The following LINGO2 variants were observed in gnomAD, a reference collection of about 807,000 sequenced individuals.
The protein encoded by LINGO2 is leucine-rich repeat and immunoglobulin-like domain-containing nogo receptor-interacting protein 2.
LINGO2 carries 14 observed loss-of-function variants against 30.6 expected under a neutral mutation model. The observed-to-expected ratio is 0.46, with a 90% CI of 0.30 to 0.72. The LOEUF is 0.72. Among genes scored for constraint, LINGO2 ranks in the 30% least tolerant of loss-of-function variants. The probability of loss-of-function intolerance (pLI) is 0.07; values close to 1 mark genes in which losing one functional copy is unlikely to be tolerated. For missense variants in LINGO2, 729 were observed against 751.7 expected (o/e 0.97, Z 0.35); for synonymous variants, 317 against 288.5 (o/e 1.10, Z -1.00).
At chr9:28,177,781 A>G (rs1365409288) in intron 4 of LINGO2, among the ~76,000 whole-genome samples, 1 of 152,190 alleles carries the variant, frequency 6.6e-6, no homozygotes, top group African/African-American at 2.4e-5. Context: ...CAAAAATTCC[A>G]TGAAATAAAT....
chr9:28,649,942 T>G (rs1166307237), intron 1 of LINGO2, among the ~76,000 whole-genome samples: 1 of 151,566 alleles, frequency 6.6e-6, no homozygotes, highest in East Asian at 1.9e-4. Context: ...GTTTGGTCAG[T>G]ATGAAAAACT....
intron 1 of LINGO2, among the ~76,000 whole-genome samples, chr9:28,635,027 G>A (rs1307132690): frequency 6.6e-6 from 1 of 152,110 alleles, no homozygotes; most frequent in Non-Finnish European, 1.5e-5. Context: ...ACACCCAGAA[G>A]GAAGAGCATG....
At chr9:28,270,226 C>G (rs980115634) in intron 4 of LINGO2, among the ~76,000 whole-genome samples, 2 of 151,984 alleles carry the variant, frequency 1.3e-5, no homozygotes, top group East Asian at 1.9e-4. Flanking sequence ...ACCAAAGAGC[C>G]CTTTCCCCTT....
intron 3 of LINGO2, among the ~76,000 whole-genome samples, chr9:28,324,483 A>G (rs1298160764): frequency 6.6e-6 from 1 of 152,202 alleles, no homozygotes; most frequent in Non-Finnish European, 1.5e-5. Context: ...AAGTTGGCAC[A>G]ATGTACAGGT....
intron 2 of LINGO2, among the ~76,000 whole-genome samples, chr9:28,444,277 G>A (rs1356801899): frequency 6.6e-6 from 1 of 152,174 alleles, no homozygotes; most frequent in Non-Finnish European, 1.5e-5. Context: ...GTGAAGAGTG[G>A]TGACCCTTCT....
In LINGO2 at chr9:28,240,195, C is replaced by A. The variant is rs1372131863; in HGVS notation, c.-87+55013G>T. 7.9e-5 allele frequency among the ~76,000 whole-genome samples: 12 copies of A among 152,108 alleles called. No homozygotes were observed. The East Asian group carries it at 1.9e-3, about 25-fold the overall frequency. On this transcript the variant is annotated intron_variant, in intron 4 of 5. Transcript: ENST00000379992. ...GAAGAATTAATATTGTTAAAATATC[C>A]ATACTACACAAAGCAATCTATAGAT...
intron 1 of LINGO2, among the ~76,000 whole-genome samples, chr9:28,518,049 A>C (rs958241078): frequency 2.0e-5 from 3 of 152,160 alleles, no homozygotes; most frequent in Non-Finnish European, 4.4e-5. Context: ...AGTCACTGGC[A>C]TAACAGATAG....
At chr9:28,263,934 C>T (rs976992559) in intron 4 of LINGO2, among the ~76,000 whole-genome samples, 52 of 151,972 alleles carry the variant, frequency 3.4e-4, no homozygotes, top group Admixed American at 9.8e-4. Context: ...ATGTCTCCTA[C>T]GGTAATGAAT....
intron 4 of LINGO2, among the ~76,000 whole-genome samples, chr9:28,221,419 T>G (rs1412116104): frequency 6.6e-6 from 1 of 151,922 alleles, no homozygotes; most frequent in African/African-American, 2.4e-5. Context: ...TACACATGTA[T>G]GTATACTTCA....
chr9:28,803,859 T>G, the LINGO2 span, among the ~76,000 whole-genome samples: 4 of 152,230 alleles, frequency 2.6e-5, no homozygotes, highest in Admixed American at 2.6e-4. Flanking sequence ...GTAACTGTCA[T>G]GATGCTACCT....
intron 5 of LINGO2, among the ~76,000 whole-genome samples, chr9:27,979,395 A>G (rs1820750762): frequency 6.6e-6 from 1 of 151,934 alleles, no homozygotes; most frequent in African/African-American, 2.4e-5. Context: ...TAGGGTTGGT[A>G]TACTCCTGGG....
chr9:28,935,152 G>C, the LINGO2 span, among the ~76,000 whole-genome samples: 1 of 152,008 alleles, frequency 6.6e-6, no homozygotes, highest in East Asian at 1.9e-4. Flanking sequence ...ATTCCTGGGA[G>C]ACATTTTCTG....
chr9:28,606,474 G>T (rs1286756220), intron 1 of LINGO2, among the ~76,000 whole-genome samples: 1 of 151,890 alleles, frequency 6.6e-6, no homozygotes, highest in Non-Finnish European at 1.5e-5. Context: ...CTATTCCTGT[G>T]ACCTATCAAT....
intron 1 of LINGO2, among the ~76,000 whole-genome samples, chr9:28,567,707 T>C (rs1405779414): frequency 1.3e-5 from 2 of 152,128 alleles, no homozygotes; most frequent in East Asian, 3.9e-4. Context: ...TATGTTCCTA[T>C]TTGGGTGACG....
At chr9:28,693,401 C>T in the LINGO2 span, among the ~76,000 whole-genome samples, 1 of 152,262 alleles carries the variant, frequency 6.6e-6, no homozygotes, top group African/African-American at 2.4e-5. Context: ...GCACTGCTCT[C>T]ATCCATCATA....
chr9:29,097,131 T>C, the LINGO2 span, among the ~76,000 whole-genome samples: 2 of 138,688 alleles, frequency 1.4e-5, 1 homozygote, highest in Non-Finnish European at 3.1e-5. Flanking sequence ...AAGAATAAAA[T>C]CTGTTCTTGC....
At chr9:27,965,113 C>A (rs1820034247) in intron 5 of LINGO2, among the ~76,000 whole-genome samples, 1 of 152,158 alleles carries the variant, frequency 6.6e-6, no homozygotes, top group African/African-American at 2.4e-5. Flanking sequence ...TAACTACAGG[C>A]AAAGACTATT....
intron 4 of LINGO2, among the ~76,000 whole-genome samples, chr9:28,072,664 T>C (rs1825513937): frequency 6.6e-6 from 1 of 152,186 alleles, no homozygotes; most frequent in Non-Finnish European, 1.5e-5. Context: ...GATTTTTTTA[T>C]TGTTATTCTT....
the LINGO2 span, among the ~76,000 whole-genome samples, chr9:28,809,765 G>A: frequency 0.19 from 21,652 of 114,514 alleles, 1,834 homozygotes; most frequent in East Asian, 0.39. Flanking sequence ...AAAAAAAAAA[G>A]CTTGGATGAT....
Sources: gnomAD v4.1 joint callset for allele counts (sites outside exome capture counted in the v4.1 genomes callset) on GRCh38, gnomAD v4.1.1 for gene constraint, MANE v1.5 for transcripts, NCBI Gene and HGNC (gene_info 2026-07-23, HGNC 2026-07-21) for gene names.